The following PTPRO variants were observed in gnomAD, a reference collection of about 807,000 sequenced individuals.
PTPRO encodes protein tyrosine phosphatase receptor type O.
PTPRO carries 62 observed loss-of-function variants against 145.2 expected under a neutral mutation model. The ratio of observed to expected loss-of-function variants is 0.43; its 90% confidence interval spans 0.35 to 0.53. The LOEUF (loss-of-function observed/expected upper bound fraction) is 0.53, where lower values mean the gene tolerates loss of function less well. Ranked by LOEUF, PTPRO falls within the 20% of genes least tolerant of loss-of-function variation. The pLI is 0.01. For missense variants in PTPRO, 1,345 were observed against 1,482.7 expected, an observed-to-expected ratio of 0.91 and a Z score of 1.53; for synonymous variants, 565 against 514.7, an observed-to-expected ratio of 1.10 and a Z score of -1.32.
intron 1 of PTPRO, among the ~76,000 whole-genome samples, chr12:15,413,203 G>A (rs370891369): frequency 6.6e-6 from 1 of 152,120 alleles, no homozygotes; most frequent in African/African-American, 2.4e-5. Context: ...CAATTCTTGT[G>A]CCTCAGCCTC....
At chr12:15,497,826 C>A (rs1284558432) in intron 3 of PTPRO, among the ~76,000 whole-genome samples, 1 of 152,196 alleles carries the variant, frequency 6.6e-6, no homozygotes, top group African/African-American at 2.4e-5. Context: ...TCCTCAAATG[C>A]AATGCTGTAT....
chr12:15,586,786 C>T (rs1944438052), intron 23 of PTPRO, 111 bp from the exon 24 acceptor site: 2 of 1,198,360 alleles, frequency 1.7e-6, no homozygotes, highest in Admixed American at 1.7e-5. Context: ...AGTGTACTGA[C>T]CAGGAGTGGA....
intron 1 of PTPRO, among the ~76,000 whole-genome samples, chr12:15,344,089 CT>C (rs1867111276): frequency 6.6e-6 from 1 of 152,148 alleles, no homozygotes; most frequent in Admixed American, 6.5e-5. Flanking sequence ...CAGGTTCTAA[CT>C]AAAAAGAAGG....
At chr12:15,376,124 A>G (rs1420266656) in intron 1 of PTPRO, among the ~76,000 whole-genome samples, 1 of 152,312 alleles carries the variant, frequency 6.6e-6, no homozygotes, top group East Asian at 1.9e-4. Flanking sequence ...CCCAAATTTG[A>G]TGAAACACAT....
chr12:15,589,601 A>G lies in PTPRO; in HGVS notation c.3546+11A>G, dbSNP rs760767683. On this transcript the variant is annotated intron_variant, in intron 25 of 26. Transcript: ENST00000281171. ...ATGGTACAGACAGAGGTAGGAACAT[A>G]ATCTATATGTATTTTTAAATTTTCC... 6.2e-7 allele frequency: 1 copy of G among 1,613,874 alleles called. No homozygotes were observed. Among genetic ancestry groups the G allele is most frequent in the East Asian group, 2.2e-5 (1 of 44,858 alleles).
At chr12:15,468,883 C>T (rs1364194487) in intron 1 of PTPRO, among the ~76,000 whole-genome samples, 1 of 152,096 alleles carries the variant, frequency 6.6e-6, no homozygotes, top group Non-Finnish European at 1.5e-5. Flanking sequence ...TTTCAGAAGA[C>T]CCAGAAAACC....
At chr12:15,557,759 G>T (rs1591732749) in intron 16 of PTPRO, among the ~76,000 whole-genome samples, 1 of 152,116 alleles carries the variant, frequency 6.6e-6, no homozygotes, top group East Asian at 1.9e-4. Flanking sequence ...CTAAACAAGG[G>T]ACTGAAACAG....
intron 22 of PTPRO, 91 bp from the exon 23 acceptor site, chr12:15,581,588 A>T: frequency 6.9e-7 from 1 of 1,456,310 alleles, no homozygotes; most frequent in East Asian, 2.3e-5. Context: ...CTAATTCTTT[A>T]GAGGCGAATA....
At position 15,440,017 on chromosome 12, in the gene PTPRO, G is replaced by A. The variant is rs1012055192; in HGVS notation, c.76-43957G>A. ...TGGCCAAGCTCTCCATTGTCCCTGT[G>A]TGCAGAGGCTACAGGGGTAACAAGA... On this transcript the variant is annotated intron_variant, in intron 1 of 26. Transcript: ENST00000281171. 1.0e-5 allele frequency: 7 copies of A among 674,780 alleles called. No homozygotes were observed. The South Asian group carries it at 1.1e-4, about 11-fold the overall frequency. 41.8% of individuals were successfully genotyped at this position (674,780 alleles called of 1,614,324 possible).
At chr12:15,336,489 C>T (rs908153578) in intron 1 of PTPRO, among the ~76,000 whole-genome samples, 5 of 152,096 alleles carry the variant, frequency 3.3e-5, no homozygotes, top group Non-Finnish European at 7.4e-5. Flanking sequence ...ATGTATGTGC[C>T]CACCATTAGT....
intron 1 of PTPRO, among the ~76,000 whole-genome samples, chr12:15,460,375 A>G (rs907611664): frequency 2.6e-5 from 4 of 152,192 alleles, no homozygotes; most frequent in Admixed American, 2.6e-4. Context: ...TCTAAAGCAC[A>G]ATATACATTT....
intron 1 of PTPRO, among the ~76,000 whole-genome samples, chr12:15,406,425 T>C (rs1331425326): frequency 6.6e-6 from 1 of 152,340 alleles, no homozygotes; most frequent in East Asian, 1.9e-4. Flanking sequence ...GAACATGCTT[T>C]GATCAGCATC....
At chr12:15,592,988 G>T (rs1175924662) in intron 25 of PTPRO, among the ~76,000 whole-genome samples, 1 of 152,092 alleles carries the variant, frequency 6.6e-6, no homozygotes, top group African/African-American at 2.4e-5. Context: ...TACTTTTCTT[G>T]TGGTCTTGTT....
intron 1 of PTPRO, among the ~76,000 whole-genome samples, chr12:15,456,883 T>C (rs925329651): frequency 4.6e-5 from 7 of 152,210 alleles, no homozygotes; most frequent in African/African-American, 1.7e-4. Context: ...TATACTAATA[T>C]CTTGTTAATC....
At chr12:15,546,745 T>C in intron 13 of PTPRO, 37 bp downstream of exon 13, 1 of 1,612,014 alleles carries the variant, frequency 6.2e-7, no homozygotes, top group Non-Finnish European at 8.5e-7. Flanking sequence ...CTCAGTTAAC[T>C]TAAGTAAGGC....
intron 1 of PTPRO, among the ~76,000 whole-genome samples, chr12:15,468,755 A>T (rs1196051717): frequency 1.3e-5 from 2 of 152,196 alleles, no homozygotes; most frequent in African/African-American, 4.8e-5. Context: ...TACAGCAGGC[A>T]CTCAATTGTT....
At chr12:15,549,248 T>A (rs757656136) in intron 14 of PTPRO, 22 bp downstream of exon 14, 58 of 1,549,394 alleles carry the variant, frequency 3.7e-5, no homozygotes, top group Non-Finnish European at 5.0e-5. Flanking sequence ...CATTAGTGTA[T>A]AATTTTCTCA....
chr12:15,333,557 C>T (rs562192320), intron 1 of PTPRO, among the ~76,000 whole-genome samples: 1 of 152,238 alleles, frequency 6.6e-6, no homozygotes, highest in African/African-American at 2.4e-5. Context: ...ATGGGACAGA[C>T]TCGAGACAGA....
At chr12:15,515,742 G>GGA in intron 8 of PTPRO, 124 bp downstream of exon 8, 2 of 1,241,354 alleles carry the variant, frequency 1.6e-6, no homozygotes, top group Non-Finnish European at 2.4e-6. Context: ...CATCCAATAT[G>GGA]CTACCTTCAG....
Sources: allele counts gnomAD v4.1 joint callset (sites outside exome capture counted in the v4.1 genomes callset), GRCh38; gene constraint gnomAD v4.1.1; transcripts MANE v1.5; gene names NCBI Gene and HGNC (gene_info 2026-07-23, HGNC 2026-07-21).